The following ZDHHC14 variants were observed in gnomAD, a reference collection of about 807,000 sequenced individuals.
ZDHHC14 encodes palmitoyltransferase ZDHHC14.
ZDHHC14 carries 16 observed loss-of-function variants against 47.7 expected under a neutral mutation model. That is an observed-to-expected ratio of 0.34 (90% CI 0.23 to 0.51). ZDHHC14 has a LOEUF of 0.51. Ranked by LOEUF, ZDHHC14 falls within the 20% of genes least tolerant of loss-of-function variation. ZDHHC14 has a pLI of 0.97. For missense variants in ZDHHC14, 515 were observed against 662.5 expected (o/e 0.78, Z 2.44); for synonymous variants, 293 against 278.9 (o/e 1.05, Z -0.50).
chr6:157,577,871 T>A (rs751114131), intron 2 of ZDHHC14, among the ~76,000 whole-genome samples: 3 of 152,236 alleles, frequency 2.0e-5, no homozygotes, highest in Non-Finnish European at 4.4e-5. Context: ...ATTTTTTTAC[T>A]TTTTAATAAT....
Position 157,675,766 on chromosome 6 carries a change from T to C in ZDHHC14, c.*2644T>C, listed in dbSNP as rs1053887622. The C allele has an allele frequency of 4.6e-5, 7 of 152,258 alleles. No individual in the cohort carries two copies. The highest frequency in any genetic ancestry group is 1.2e-4 in the African/African-American group (5 of 41,474). 9.4% of individuals were successfully genotyped at this position (152,258 alleles called of 1,614,324 possible). A position where few individuals can be genotyped will look rare whatever the true frequency, so the allele number is the denominator to read the frequency against. ...ACATGTACATAAATATAAATACTTA[T>C]GTTTATAAATGTTGAATGGTTCCTT... is the stretch of plus-strand genomic sequence containing the variant. On this transcript the variant is annotated 3_prime_UTR_variant, in exon 9 of 9. Transcript: ENST00000359775.
At chr6:157,457,708 T>C (rs1778960630) in intron 1 of ZDHHC14, among the ~76,000 whole-genome samples, 1 of 152,212 alleles carries the variant, frequency 6.6e-6, no homozygotes, top group Non-Finnish European at 1.5e-5. Context: ...GGGGGTCTCT[T>C]TGGGGTCTGA....
chr6:157,550,537 G>C (rs1170817158), intron 2 of ZDHHC14, among the ~76,000 whole-genome samples: 1 of 152,094 alleles, frequency 6.6e-6, no homozygotes, highest in Non-Finnish European at 1.5e-5. Flanking sequence ...ACTCCAGAGA[G>C]ACCACAGTGT....
chr6:157,658,038 A>G (rs1465060948), intron 8 of ZDHHC14, among the ~76,000 whole-genome samples: 1 of 152,234 alleles, frequency 6.6e-6, no homozygotes, highest in Admixed American at 6.5e-5. Context: ...CAAGCACTTA[A>G]AACCTTGCCT....
chr6:157,589,073 C>A (rs1026805516), intron 2 of ZDHHC14, among the ~76,000 whole-genome samples: 1 of 151,978 alleles, frequency 6.6e-6, no homozygotes, highest in African/African-American at 2.4e-5. Context: ...GTTCCACAGG[C>A]TGTATAGGAA....
intron 3 of ZDHHC14, among the ~76,000 whole-genome samples, chr6:157,595,238 G>A (rs576660804): frequency 6.6e-4 from 85 of 129,486 alleles, no homozygotes; most frequent in African/African-American, 2.4e-3. Flanking sequence ...TGTCGTCCAG[G>A]CTGGAGTGCA....
At chr6:157,530,170 A>G (rs1317759344) in intron 1 of ZDHHC14, among the ~76,000 whole-genome samples, 1 of 152,228 alleles carries the variant, frequency 6.6e-6, no homozygotes, top group Non-Finnish European at 1.5e-5. Flanking sequence ...GCTACCTAAA[A>G]AGAAAAAAAG....
At chr6:157,579,188 G>GTTTT (rs1783418371) in intron 2 of ZDHHC14, among the ~76,000 whole-genome samples, 1 of 89,168 alleles carries the variant, frequency 1.1e-5, no homozygotes, top group African/African-American at 4.9e-5. Flanking sequence ...TATTGATTCT[G>GTTTT]TGTTTTTTTT....
At chr6:157,605,568 C>G (rs1784506410) in intron 3 of ZDHHC14, among the ~76,000 whole-genome samples, 1 of 152,180 alleles carries the variant, frequency 6.6e-6, no homozygotes, top group Non-Finnish European at 1.5e-5. Context: ...TGACTCCGAT[C>G]AGACAGCAAG....
intron 2 of ZDHHC14, among the ~76,000 whole-genome samples, chr6:157,550,657 CCA>C (rs1218613311): frequency 1.3e-5 from 2 of 152,222 alleles, no homozygotes; most frequent in Non-Finnish European, 2.9e-5. Flanking sequence ...ATTCTAGCGA[CCA>C]CAGTGTTTCC....
At chr6:157,598,540 A>G (rs1423130660) in intron 3 of ZDHHC14, among the ~76,000 whole-genome samples, 1 of 152,216 alleles carries the variant, frequency 6.6e-6, no homozygotes, top group Non-Finnish European at 1.5e-5. Flanking sequence ...ACAGTATTGT[A>G]TTTATCATAT....
chr6:157,645,752 G>C lies in ZDHHC14; in HGVS notation c.768G>C (p.Val256=). 1 of 1,613,976 alleles carries C rather than the reference G, an allele frequency of 6.2e-7. No individual in the cohort carries two copies. The highest frequency in any genetic ancestry group is 8.5e-7 in the Non-Finnish European group (1 of 1,180,010). The stretch of plus-strand genomic sequence containing the variant: ...CTCGCATCACCGTCCTGGAGGCTGT[G>C]GTGTGCTTCTTCTCTGTCTGGTCCA... The part of the protein sequence containing the change: ...KDSPASVLEA[V]VCFFSVWSIV... Residue 256 remains valine (V), a synonymous_variant, in exon 6 of 9, where the codon GTG becomes GTC. Transcript: ENST00000359775.
At chr6:157,421,674 C>T (rs1778109030) in intron 1 of ZDHHC14, among the ~76,000 whole-genome samples, 2 of 151,836 alleles carry the variant, frequency 1.3e-5, no homozygotes, top group East Asian at 2.0e-4. Flanking sequence ...GTGGCACAAT[C>T]CCGGCTCACA....
At chr6:157,445,449 T>C (rs1323244239) in intron 1 of ZDHHC14, among the ~76,000 whole-genome samples, 1 of 152,174 alleles carries the variant, frequency 6.6e-6, no homozygotes, top group African/African-American at 2.4e-5. Context: ...TGTCATGCAG[T>C]TAGTTGTCTG....
At chr6:157,636,277 T>C (rs565483451) in intron 5 of ZDHHC14, among the ~76,000 whole-genome samples, 1 of 151,986 alleles carries the variant, frequency 6.6e-6, no homozygotes, top group African/African-American at 2.4e-5. Flanking sequence ...CATATATACA[T>C]GTGTATATAG....
chr6:157,532,782 A>C (rs1781408850), intron 1 of ZDHHC14, among the ~76,000 whole-genome samples: 1 of 152,252 alleles, frequency 6.6e-6, no homozygotes, highest in Admixed American at 6.5e-5. Context: ...ACTTGCAAAA[A>C]TCAAGAGCTT....
At chr6:157,382,750 C>G (rs1255613440) in intron 1 of ZDHHC14, among the ~76,000 whole-genome samples, 1 of 152,188 alleles carries the variant, frequency 6.6e-6, no homozygotes, top group East Asian at 1.9e-4. Flanking sequence ...CATGTAACTT[C>G]GACGAATAAT....
intron 1 of ZDHHC14, among the ~76,000 whole-genome samples, chr6:157,424,086 AC>A (rs1339906263): frequency 6.6e-6 from 1 of 152,146 alleles, no homozygotes; most frequent in Non-Finnish European, 1.5e-5. Context: ...TCGCACCCAA[AC>A]CAAATACACT....
intron 7 of ZDHHC14, among the ~76,000 whole-genome samples, chr6:157,652,167 T>C (rs1379767279): frequency 1.3e-5 from 2 of 152,186 alleles, no homozygotes; most frequent in African/African-American, 4.8e-5. Flanking sequence ...AGTGTTCAGC[T>C]GGAACTGAGG....
Sources: allele counts gnomAD v4.1 joint callset (sites outside exome capture counted in the v4.1 genomes callset), GRCh38; gene constraint gnomAD v4.1.1; transcripts MANE v1.5; gene names NCBI Gene and HGNC (gene_info 2026-07-23, HGNC 2026-07-21).